The following CCDC201 variants were observed in gnomAD, a reference collection of about 807,000 sequenced individuals.
CCDC201 encodes the protein coiled-coil domain-containing protein 201.
chr7:45,879,000 C>T, the CCDC201 span, among the ~76,000 whole-genome samples: 2 of 152,234 alleles, frequency 1.3e-5, no homozygotes, highest in East Asian at 3.9e-4. Flanking sequence ...TGCTTTGCTG[C>T]TTAGAAATTT....
chr7:45,872,802 G>C (rs919028921), intron 1 of CCDC201, among the ~76,000 whole-genome samples, 188 bp downstream of exon 1: 1 of 152,172 alleles, frequency 6.6e-6, no homozygotes, highest in South Asian at 2.1e-4. Context: ...TGCCCGGCCT[G>C]CCCAACCCAC....
chr7:45,862,087 T>G (rs896848193), exon 3 of CCDC201: 1 of 152,254 alleles, frequency 6.6e-6, no homozygotes, highest in African/African-American at 2.4e-5. Context: ...GACCCTGATG[T>G]TAAGCAGGGA....
At chr7:45,865,028 A>T (rs761109623) in intron 2 of CCDC201, among the ~76,000 whole-genome samples, 27 of 151,904 alleles carry the variant, frequency 1.8e-4, no homozygotes, top group Non-Finnish European at 3.5e-4. Flanking sequence ...GGACCTGGAG[A>T]GGCTTGGGCA....
intron 1 of CCDC201, among the ~76,000 whole-genome samples, chr7:45,872,544 C>A (rs1265569042): frequency 6.6e-6 from 1 of 152,152 alleles, no homozygotes; most frequent in Non-Finnish European, 1.5e-5. Flanking sequence ...TGAGACAGGC[C>A]AGGGGAGGAG....
At chr7:45,880,876 C>G in the CCDC201 span, among the ~76,000 whole-genome samples, 11 of 152,152 alleles carry the variant, frequency 7.2e-5, no homozygotes, top group Non-Finnish European at 1.6e-4. Flanking sequence ...CTATTATGGG[C>G]TGGGTGAGTG....
chr7:45,863,874 G>A lies in CCDC201; in HGVS notation c.478-703C>T, dbSNP rs1011893327. 3.3e-5 allele frequency among the ~76,000 whole-genome samples: 5 copies of A among 152,316 alleles called. No homozygotes were observed. The South Asian group carries it at 8.3e-4, about 25-fold the overall frequency. ...AACGAGAGTGGCCTCCAGAGGGCCA[G>A]CTGTAAGAGCAGAAGGCCTGAGCCA... On this transcript the variant is annotated intron_variant, in intron 2 of 2. Transcript: ENST00000636578.
At chr7:45,878,150 G>A in the CCDC201 span, among the ~76,000 whole-genome samples, 1 of 152,194 alleles carries the variant, frequency 6.6e-6, no homozygotes, top group East Asian at 1.9e-4. Context: ...CAAGGCCTTG[G>A]CATCTCTTCC....
chr7:45,861,857 T>C (rs1024986655), exon 3 of CCDC201: 2 of 152,236 alleles, frequency 1.3e-5, no homozygotes, highest in East Asian at 1.9e-4. Flanking sequence ...TTTTAGGAAG[T>C]AGAAAGCAAG....
At chr7:45,884,718 C>T in the CCDC201 span, among the ~76,000 whole-genome samples, 1 of 152,178 alleles carries the variant, frequency 6.6e-6, no homozygotes, top group East Asian at 1.9e-4. Flanking sequence ...CCAGCCATGG[C>T]CAGCAGCTTA....
At chr7:45,867,953 A>G (rs761673209) in intron 1 of CCDC201, among the ~76,000 whole-genome samples, 7 of 152,272 alleles carry the variant, frequency 4.6e-5, no homozygotes, top group Non-Finnish European at 8.8e-5. Context: ...GAGATGGATT[A>G]GGGATATTCA....
At chr7:45,878,160 C>T in the CCDC201 span, among the ~76,000 whole-genome samples, 1 of 152,222 alleles carries the variant, frequency 6.6e-6, no homozygotes, top group African/African-American at 2.4e-5. Flanking sequence ...GCATCTCTTC[C>T]CCTGTGGGAC....
the CCDC201 span, among the ~76,000 whole-genome samples, chr7:45,883,943 C>A: frequency 2.2e-4 from 33 of 152,018 alleles, no homozygotes; most frequent in Non-Finnish European, 4.1e-4. Flanking sequence ...CCCTGGTGAT[C>A]TTCCAGAACC....
chr7:45,872,072 A>T (rs1019263814), intron 1 of CCDC201, among the ~76,000 whole-genome samples: 7 of 152,328 alleles, frequency 4.6e-5, no homozygotes, highest in African/African-American at 1.7e-4. Flanking sequence ...ATGTTTCCTT[A>T]TGGTGGGGAA....
chr7:45,882,635 A>G, the CCDC201 span, among the ~76,000 whole-genome samples: 1 of 152,216 alleles, frequency 6.6e-6, no homozygotes, highest in African/African-American at 2.4e-5. Flanking sequence ...AATTGCTGGC[A>G]GAGGCCGTGT....
At chr7:45,867,697 G>A (rs1315180695) in intron 1 of CCDC201, among the ~76,000 whole-genome samples, 1 of 152,230 alleles carries the variant, frequency 6.6e-6, no homozygotes, top group African/African-American at 2.4e-5. Flanking sequence ...GAAACCCTGA[G>A]GGCTGCACCT....
At chr7:45,866,055 G>A (rs995475115) in exon 2 of CCDC201, 5 of 159,436 alleles carry the variant, frequency 3.1e-5, no homozygotes, top group Admixed American at 2.6e-4. Context: ...CCGCTTCTTC[G>A]GGTCTCGTCT....
intron 1 of CCDC201, among the ~76,000 whole-genome samples, chr7:45,871,915 T>G (rs1786747291): frequency 6.6e-6 from 1 of 152,156 alleles, no homozygotes; most frequent in Non-Finnish European, 1.5e-5. Context: ...TGGAACACCT[T>G]CTATGGAAGG....
At chr7:45,870,685 G>GT (rs1786733800) in intron 1 of CCDC201, among the ~76,000 whole-genome samples, 1 of 152,016 alleles carries the variant, frequency 6.6e-6, no homozygotes, top group African/African-American at 2.4e-5. Flanking sequence ...CGAACTCCTA[G>GT]GAAAAAAATA....
chr7:45,882,812 C>A, the CCDC201 span, among the ~76,000 whole-genome samples: 2 of 152,152 alleles, frequency 1.3e-5, no homozygotes, highest in Admixed American at 1.3e-4. Context: ...CCCTTTTTTG[C>A]TCAGTTGATT....
Sources: allele counts gnomAD v4.1 joint callset (sites outside exome capture counted in the v4.1 genomes callset), GRCh38; gene constraint gnomAD v4.1.1; transcripts MANE v1.5; gene names NCBI Gene and HGNC (gene_info 2026-07-23, HGNC 2026-07-21).